Variants in COL4A5 observed in about 807,000 individuals in gnomAD.
COL4A5 encodes the protein collagen type IV alpha 5 chain, also known as collagen alpha-5(IV) chain.
In COL4A5, 26 loss-of-function variants were observed where a neutral mutation model predicts 130.2. That is an observed-to-expected ratio of 0.20 (90% CI 0.15 to 0.28). The LOEUF is 0.28. Among genes scored for constraint, COL4A5 ranks in the 10% least tolerant of loss-of-function variants. The pLI, the probability that COL4A5 is intolerant of heterozygous loss-of-function variation, is 1.00. For synonymous variants in COL4A5, 496 were observed against 439.6 expected, an observed-to-expected ratio of 1.13 and a Z score of -1.60; for missense variants, 1,131 against 1,344.3, an observed-to-expected ratio of 0.84 and a Z score of 2.48.
chrX:108,628,224 A>G (rs1405214156), intron 36 of COL4A5, among the ~76,000 whole-genome samples: 1 of 111,088 alleles, frequency 9.0e-6, no homozygotes, highest in African/African-American at 3.3e-5. Context: ...TTTTGCACTG[A>G]AGATTCTTAT....
rs188834499 is a variant in COL4A5, at chrX:108,662,303, C to T, written c.3374-3204C>T. Reference sequence around the variant, plus strand: ...TATCGCAAGGACAAAAAATCAACACCGCATGTTCTCATTTAGTGTTTCTTA... The same window carrying T: ...TATCGCAAGGACAAAAAATCAACACTGCATGTTCTCATTTAGTGTTTCTTA... On this transcript the variant is annotated intron_variant, in intron 37 of 52. Transcript: ENST00000328300. Among the ~76,000 whole-genome samples the T allele has an allele frequency of 2.2e-3, 238 of 110,517 alleles. 2 individuals are homozygous for T. The highest frequency in any genetic ancestry group is 7.6e-3 in the African/African-American group (231 of 30,387).
intron 30 of COL4A5, among the ~76,000 whole-genome samples, chrX:108,616,239 T>TTTTTG (rs1180946043): frequency 1.8e-5 from 2 of 109,982 alleles, no homozygotes; most frequent in African/African-American, 6.6e-5. Context: ...GTTGTTGTTG[T>TTTTTG]TTTTGTTTTG....
intron 2 of COL4A5, among the ~76,000 whole-genome samples, chrX:108,540,950 TTTGGG>T (rs2065530659): frequency 8.9e-6 from 1 of 112,361 alleles, no homozygotes; most frequent in South Asian, 3.7e-4. Context: ...GTCTCCACTC[TTTGGG>T]GCTCAGTATT....
Position 108,602,109 on chromosome X carries a change from G to T in COL4A5, c.2146+120G>T, listed in dbSNP as rs755685548. 2.2e-5 allele frequency: 10 copies of T among 449,279 alleles called. No homozygotes were observed. In the African/African-American group the frequency reaches 2.5e-4, roughly 11 times the overall value. 37.0% of individuals were successfully genotyped at this position (449,279 alleles called of 1,213,427 possible). ...GCACCTTTTTTCTCTGTGCTATAAA[G>T]AATGTAAATAAAAAATCACAGTGTA... On this transcript the variant is annotated intron_variant, in intron 27 of 52. Transcript: ENST00000328300.
chrX:108,660,463 T>C (rs1233777409), intron 37 of COL4A5, among the ~76,000 whole-genome samples: 3 of 112,008 alleles, frequency 2.7e-5, no homozygotes, highest in Non-Finnish European at 5.7e-5. Context: ...TATCTGCAAA[T>C]GTCTTTGTTT....
chrX:108,568,661 A>C lies in COL4A5; in HGVS notation c.309A>C (p.Thr103=), dbSNP rs373454111. The part of the protein sequence containing the change: ...GPPGLPGFPG[T]PGLPGMPGHD... ...CTGGACTTCCTGGATTTCCAGGGACACCAGGTCTTCCTGTAAGTAGCATTT... is the reference window on the plus strand; with the variant it reads ...CTGGACTTCCTGGATTTCCAGGGACCCCAGGTCTTCCTGTAAGTAGCATTT... The change falls in exon 5 of 53, where the codon ACA becomes ACC. Residue 103 remains threonine (T), a synonymous_variant. Coordinates refer to ENST00000328300, the MANE Select transcript of COL4A5 (RefSeq NM_033380.3). The C allele has an allele frequency of 1.2e-5, 14 of 1,201,069 alleles. No homozygotes were observed. In the African/African-American group the frequency reaches 2.5e-4, roughly 21 times the overall value.
chrX:108,598,818 T>A lies in COL4A5; in HGVS notation c.1896T>A (p.Gly632=). 8.3e-7 allele frequency: 1 copy of A among 1,211,277 alleles called. No individual in the cohort carries two copies. The highest frequency in any genetic ancestry group is 1.1e-6 in the Non-Finnish European group (1 of 895,273). Residue 632 remains glycine, a synonymous_variant, in exon 25 of 53, where the codon GGT becomes GGA. Coordinates refer to ENST00000328300, the MANE Select transcript of COL4A5 (RefSeq NM_033380.3). The part of the protein sequence containing the change: ...PPGFGPPGPV[G]EKGIQGVAGN... Reference sequence around the variant, plus strand: ...GTTTCGGCCCTCCAGGCCCAGTAGGTGAAAAAGGCATACAAGGTGTGGCAG... The same window carrying A: ...GTTTCGGCCCTCCAGGCCCAGTAGGAGAAAAAGGCATACAAGGTGTGGCAG...
rs104886088 is a variant in COL4A5 at position 108,582,920 on chromosome X, G to A, written c.973G>A (p.Gly325Arg). The change falls in exon 17 of 53, where the codon GGA becomes AGA. Residue 325 changes from glycine to arginine, a missense_variant. Transcript: ENST00000328300. ...TGATCCTGGTTACCCTGGTGAACCC[G>A]GAAGGGATGGTGAAAAGGTAAGAAT... ...PGDPGYPGEPGRDGEKGQKGD... is the reference protein window; with the variant it reads ...PGDPGYPGEPRRDGEKGQKGD... The A allele has an allele frequency of 8.3e-7, 1 of 1,203,935 alleles. No homozygotes were observed. Among genetic ancestry groups the A allele is most frequent in the Non-Finnish European group, 1.1e-6 (1 of 888,792 alleles).
chrX:108,480,936 G>C (rs928665233), intron 1 of COL4A5, among the ~76,000 whole-genome samples: 1 of 112,035 alleles, frequency 8.9e-6, no homozygotes, highest in Non-Finnish European at 1.9e-5. Flanking sequence ...CTAGGTAGAG[G>C]CTGCTCTAAT....
intron 20 of COL4A5, 119 bp from the exon 21 acceptor site, chrX:108,591,442 C>A: frequency 3.0e-6 from 2 of 675,058 alleles, no homozygotes; most frequent in Non-Finnish European, 4.7e-6. Context: ...TTTCCTTTTG[C>A]TTATAGGTAC....
intron 37 of COL4A5, among the ~76,000 whole-genome samples, chrX:108,658,765 A>G (rs2067894456): frequency 9.0e-6 from 1 of 111,216 alleles, no homozygotes; most frequent in Non-Finnish European, 1.9e-5. Context: ...CATTTTAATA[A>G]TGTTTTGATA....
chrX:108,502,443 G>A (rs2065088935), intron 1 of COL4A5, among the ~76,000 whole-genome samples: 2 of 109,606 alleles, frequency 1.8e-5, no homozygotes, highest in South Asian at 8.1e-4. Context: ...GCACCACCAT[G>A]CCCGGCTAAT....
At chrX:108,584,872 G>C (rs1019247540) in intron 18 of COL4A5, among the ~76,000 whole-genome samples, 3 of 108,204 alleles carry the variant, frequency 2.8e-5, no homozygotes, top group African/African-American at 6.7e-5. Context: ...ACAAAACTTG[G>C]GGAAGTTGGG....
At chrX:108,592,194 A>G (rs2066448528) in intron 21 of COL4A5, among the ~76,000 whole-genome samples, 1 of 111,576 alleles carries the variant, frequency 9.0e-6, no homozygotes, top group Non-Finnish European at 1.9e-5. Context: ...TGCTACCACC[A>G]TATTTACTTA....
chrX:108,478,791 C>T (rs1256026930), intron 1 of COL4A5, among the ~76,000 whole-genome samples: 3 of 112,063 alleles, frequency 2.7e-5, no homozygotes, highest in African/African-American at 6.5e-5. Context: ...AGAAGCATTG[C>T]GTGCAGGATA....
intron 41 of COL4A5, among the ~76,000 whole-genome samples, chrX:108,669,326 C>A (rs1404219803): frequency 1.8e-5 from 2 of 112,044 alleles, no homozygotes; most frequent in African/African-American, 6.5e-5. Context: ...TCCTTTTATT[C>A]TTTGAAAGTC....
chrX:108,678,473 C>T lies in COL4A5; in HGVS notation c.3942+840C>T, dbSNP rs959510268. Among the ~76,000 whole-genome samples, 6 of 111,551 alleles carry T rather than the reference C, an allele frequency of 5.4e-5. No individual in the cohort carries two copies. In the East Asian group the frequency reaches 1.7e-3, roughly 31 times the overall value. ...AGAGTAAGTTTCACCTGCTATACCC[C>T]TTTACCACTAAATATTTTAATGCAG... On this transcript the variant is annotated intron_variant, in intron 44 of 52. Coordinates refer to ENST00000328300, the MANE Select transcript of COL4A5 (RefSeq NM_033380.3).
intron 1 of COL4A5, among the ~76,000 whole-genome samples, chrX:108,537,006 T>TA (rs1187134681): frequency 9.0e-6 from 1 of 111,490 alleles, no homozygotes; most frequent in East Asian, 2.8e-4. Context: ...CCTAGTTACT[T>TA]AAAAAAACAA....
chrX:108,473,599 A>G (rs1171903796), intron 1 of COL4A5, among the ~76,000 whole-genome samples: 1 of 58,406 alleles, frequency 1.7e-5, no homozygotes, highest in East Asian at 3.7e-4. Context: ...AAAGTTTTAT[A>G]TATATATATA....
Sources: allele counts gnomAD v4.1 joint callset (sites outside exome capture counted in the v4.1 genomes callset), GRCh38; gene constraint gnomAD v4.1.1; transcripts MANE v1.5; gene names NCBI Gene and HGNC (gene_info 2026-07-23, HGNC 2026-07-21).